Variants in TBC1D5 observed in about 807,000 individuals in gnomAD.
TBC1D5 encodes TBC1 domain family, member 5.
A neutral mutation model predicts 100.3 loss-of-function variants in TBC1D5; 75 were observed. That is an observed-to-expected ratio of 0.75 (90% CI 0.62 to 0.91). TBC1D5 has a LOEUF of 0.91. Ranked by LOEUF, TBC1D5 falls within the 40% of genes least tolerant of loss-of-function variation. TBC1D5 has a pLI of 0.00. For missense variants in TBC1D5, 910 were observed against 942.4 expected, an observed-to-expected ratio of 0.97 and a Z score of 0.45; for synonymous variants, 323 against 325.6, an observed-to-expected ratio of 0.99 and a Z score of 0.09.
chr3:17,447,779 C>A (rs907213263), intron 3 of TBC1D5, among the ~76,000 whole-genome samples: 1 of 152,136 alleles, frequency 6.6e-6, no homozygotes, highest in Non-Finnish European at 1.5e-5. Context: ...TAAGCTTTTA[C>A]CAATTAATCA....
intron 17 of TBC1D5, among the ~76,000 whole-genome samples, chr3:17,224,287 C>G (rs931520220): frequency 1.3e-5 from 2 of 152,172 alleles, no homozygotes; most frequent in African/African-American, 2.4e-5. Flanking sequence ...GATGTTCAAT[C>G]TGGAATATCT....
intron 1 of TBC1D5, among the ~76,000 whole-genome samples, chr3:17,669,878 A>G (rs988122115): frequency 6.6e-6 from 1 of 151,930 alleles, no homozygotes; most frequent in African/African-American, 2.4e-5. Context: ...CGACTGTCCC[A>G]TGTTTTTTGT....
At chr3:17,689,518 C>CAAAAAAAAAAAAAA (rs373476990) in intron 1 of TBC1D5, among the ~76,000 whole-genome samples, 1 of 55,064 alleles carries the variant, frequency 1.8e-5, no homozygotes, top group Non-Finnish European at 3.8e-5. Context: ...GACCCTGTCT[C>CAAAAAAAAAAAAAA]AAAAAAAAAA....
At chr3:17,719,615 T>C (rs1195528204) in intron 1 of TBC1D5, among the ~76,000 whole-genome samples, 1 of 152,208 alleles carries the variant, frequency 6.6e-6, no homozygotes, top group African/African-American at 2.4e-5. Context: ...TAGTAACTGC[T>C]ATTCCTATGA....
At chr3:17,370,187 C>T (rs1253144292) in intron 13 of TBC1D5, among the ~76,000 whole-genome samples, 1 of 152,074 alleles carries the variant, frequency 6.6e-6, no homozygotes, top group African/African-American at 2.4e-5. Flanking sequence ...GCACCCAAGC[C>T]CACGCCATCA....
chr3:17,160,901 G>A lies in TBC1D5; in HGVS notation c.*62C>T, dbSNP rs537484489. 2.6e-6 allele frequency: 4 copies of A among 1,551,900 alleles called. No homozygotes were observed. The East Asian group carries it at 9.1e-5, about 35-fold the overall frequency. On this transcript the variant is annotated 3_prime_UTR_variant, in exon 22 of 22. Transcript: ENST00000253692. ...AAGGTTCTCCACTGGATGAGCCTCA[G>A]TCTGGCCTTGGGGCCACTGAAGGGT... is the stretch of plus-strand genomic sequence containing the variant.
At chr3:17,418,533 AG>A (rs1157127331) in intron 4 of TBC1D5, among the ~76,000 whole-genome samples, 1 of 152,124 alleles carries the variant, frequency 6.6e-6, no homozygotes, top group Non-Finnish European at 1.5e-5. Flanking sequence ...ACTTGAACCC[AG>A]GAAGTGAAGG....
chr3:17,592,146 G>A (rs150021915), intron 2 of TBC1D5, among the ~76,000 whole-genome samples: 1 of 152,200 alleles, frequency 6.6e-6, no homozygotes, highest in Non-Finnish European at 1.5e-5. Context: ...ACCTTCAGCT[G>A]GCAAGGCCAG....
intron 4 of TBC1D5, among the ~76,000 whole-genome samples, chr3:17,408,525 T>C (rs2093834977): frequency 1.3e-5 from 2 of 152,102 alleles, no homozygotes; most frequent in African/African-American, 4.8e-5. Context: ...GGTATTCCTA[T>C]GTTGCCCAGA....
intron 15 of TBC1D5, among the ~76,000 whole-genome samples, chr3:17,275,986 T>C (rs1440576277): frequency 1.3e-5 from 2 of 152,176 alleles, no homozygotes; most frequent in Non-Finnish European, 2.9e-5. Context: ...GTTAAGTAAG[T>C]TGTTTTTTTT....
rs571562669 is a variant in TBC1D5, at chr3:17,512,479, A to G, written c.-35-3874T>C. On this transcript the variant is annotated intron_variant, in intron 2 of 21. Coordinates refer to ENST00000253692, the Ensembl canonical transcript of TBC1D5. The stretch of plus-strand genomic sequence containing the variant: ...CCAAGATACATACAGAGAAAAGAAT[A>G]TAAAGGCCAAAAACATGCCTCTTAG... 5.2e-3 allele frequency among the ~76,000 whole-genome samples: 792 copies of G among 152,276 alleles called. 7 individuals are homozygous for G. Among genetic ancestry groups the G allele is most frequent in the South Asian group, 0.018 (89 of 4,824 alleles).
chr3:17,352,763 G>C (rs1477850010), intron 13 of TBC1D5, among the ~76,000 whole-genome samples: 3 of 148,602 alleles, frequency 2.0e-5, no homozygotes, highest in Admixed American at 6.7e-5. Context: ...ACTCAGAATA[G>C]TAATTATGGA....
intron 9 of TBC1D5, among the ~76,000 whole-genome samples, chr3:17,380,569 T>C (rs189894287): frequency 6.6e-6 from 1 of 152,240 alleles, no homozygotes; most frequent in Admixed American, 6.6e-5. Flanking sequence ...ATGTATATTT[T>C]GCTTCCACCT....
At chr3:17,415,106 G>A (rs1291966599) in intron 4 of TBC1D5, among the ~76,000 whole-genome samples, 1 of 152,112 alleles carries the variant, frequency 6.6e-6, no homozygotes, top group Non-Finnish European at 1.5e-5. Context: ...AAAGAACTGA[G>A]TTAAAACAGT....
At chr3:17,568,991 C>T (rs901576718) in intron 2 of TBC1D5, among the ~76,000 whole-genome samples, 1 of 151,734 alleles carries the variant, frequency 6.6e-6, no homozygotes, top group Non-Finnish European at 1.5e-5. Context: ...TGACAAAATA[C>T]ACAGGTATAT....
chr3:17,262,763 G>T (rs1396695350), intron 15 of TBC1D5, among the ~76,000 whole-genome samples: 1 of 151,904 alleles, frequency 6.6e-6, no homozygotes, highest in African/African-American at 2.4e-5. Flanking sequence ...TTACAGGCGT[G>T]AGCCACCACA....
At chr3:17,356,231 T>A (rs1274129484) in intron 13 of TBC1D5, among the ~76,000 whole-genome samples, 1 of 152,206 alleles carries the variant, frequency 6.6e-6, no homozygotes, top group African/African-American at 2.4e-5. Context: ...ATAAAATTTC[T>A]GATGGCTGGG....
chr3:17,305,044 T>G (rs1262959625), intron 14 of TBC1D5, among the ~76,000 whole-genome samples: 1 of 152,168 alleles, frequency 6.6e-6, no homozygotes, highest in Non-Finnish European at 1.5e-5. Flanking sequence ...TTCTTAACTG[T>G]CTATTCACTC....
chr3:17,225,384 A>T (rs888177773), intron 17 of TBC1D5, among the ~76,000 whole-genome samples: 1 of 144,498 alleles, frequency 6.9e-6, no homozygotes, highest in Non-Finnish European at 1.5e-5. Flanking sequence ...GGTTGCAGTG[A>T]GCTGGGAGTG....
Sources: allele counts gnomAD v4.1 joint callset (sites outside exome capture counted in the v4.1 genomes callset), GRCh38; gene constraint gnomAD v4.1.1; transcripts MANE v1.5; gene names NCBI Gene and HGNC (gene_info 2026-07-23, HGNC 2026-07-21).